The following MGAT4C variants were observed in gnomAD, a reference collection of about 807,000 sequenced individuals.
MGAT4C encodes the protein alpha-1,3-mannosyl-glycoprotein 4-beta-N-acetylglucosaminyltransferase C.
Under a neutral mutation model 40.1 loss-of-function variants are expected in MGAT4C, and 19 were observed. The ratio of observed to expected loss-of-function variants is 0.47; its 90% CI spans 0.33 to 0.70. The LOEUF (loss-of-function observed/expected upper bound fraction) is 0.70, where lower values mean the gene tolerates loss of function less well. MGAT4C is among the 30% of genes least tolerant of loss of function. The pLI, the probability that MGAT4C is intolerant of heterozygous loss-of-function variation, is 0.02. For synonymous variants in MGAT4C, 181 were observed against 187.1 expected (o/e 0.97, Z 0.27); for missense variants, 491 against 563.2 (o/e 0.87, Z 1.30).
chr12:86,699,888 C>T (rs1950324482), intron 2 of MGAT4C, among the ~76,000 whole-genome samples: 1 of 151,800 alleles, frequency 6.6e-6, no homozygotes, highest in African/African-American at 2.4e-5. Context: ...TGCTGTGTCA[C>T]AGGTGGCAGA....
Position 85,979,215 on chromosome 12 carries a change from C to A in MGAT4C, c.*74G>T. The A allele has an allele frequency of 1.6e-6, 2 of 1,251,458 alleles. No individual in the cohort carries two copies. Among genetic ancestry groups the A allele is most frequent in the Non-Finnish European group, 2.2e-6 (2 of 901,454 alleles). 77.5% of individuals were successfully genotyped at this position (1,251,458 alleles called of 1,614,324 possible). A position where few individuals can be genotyped will look rare whatever the true frequency, so the allele number is the denominator to read the frequency against. On this transcript the variant is annotated 3_prime_UTR_variant, in exon 5 of 5. Transcript: ENST00000611864. Reference sequence around the variant, plus strand: ...TAACATATCCCATCCATTGCTTTCCCTCCAAAAGACAAAGGTAGCAAAAGA... The same window carrying A: ...TAACATATCCCATCCATTGCTTTCCATCCAAAAGACAAAGGTAGCAAAAGA...
At chr12:86,827,624 G>T (rs1338000380) in intron 1 of MGAT4C, among the ~76,000 whole-genome samples, 1 of 151,174 alleles carries the variant, frequency 6.6e-6, no homozygotes, top group African/African-American at 2.4e-5. Context: ...TTCAACGAAA[G>T]AAAAATGCCT....
At chr12:86,808,172 G>C (rs148619354) in intron 1 of MGAT4C, among the ~76,000 whole-genome samples, 3 of 152,170 alleles carry the variant, frequency 2.0e-5, no homozygotes, top group Admixed American at 2.0e-4. Flanking sequence ...GAACCAGATG[G>C]ATTTACAGCT....
chr12:86,217,637 G>T (rs1431594656), intron 1 of MGAT4C, among the ~76,000 whole-genome samples: 1 of 152,260 alleles, frequency 6.6e-6, no homozygotes, highest in Non-Finnish European at 1.5e-5. Context: ...CACTGGAAAT[G>T]AAGGTTACTA....
chr12:86,611,964 T>G (rs1014283432), intron 2 of MGAT4C, among the ~76,000 whole-genome samples: 31 of 152,192 alleles, frequency 2.0e-4, no homozygotes, highest in Non-Finnish European at 1.0e-4. Flanking sequence ...TGAATTTATG[T>G]GGAAACATCA....
chr12:86,478,897 T>A (rs1002081491), intron 2 of MGAT4C, among the ~76,000 whole-genome samples: 1 of 152,086 alleles, frequency 6.6e-6, no homozygotes, highest in South Asian at 2.1e-4. Flanking sequence ...TTATTTAATA[T>A]CTATTTTTAA....
At chr12:86,827,900 G>T (rs1026361313) in intron 1 of MGAT4C, among the ~76,000 whole-genome samples, 2 of 151,194 alleles carry the variant, frequency 1.3e-5, no homozygotes, top group South Asian at 4.2e-4. Flanking sequence ...ATGCTTTCTG[G>T]GAAATCAGTA....
At chr12:86,195,409 A>AT (rs773948762) in intron 1 of MGAT4C, among the ~76,000 whole-genome samples, 7 of 152,258 alleles carry the variant, frequency 4.6e-5, no homozygotes, top group Middle Eastern at 3.4e-3. Flanking sequence ...TAAACAAGGT[A>AT]TTTTTTAAAG....
rs150112539 is a variant in MGAT4C, at chr12:86,580,675, T to C, written c.-228-145410A>G. On this transcript the variant is annotated intron_variant, in intron 2 of 7. Transcript: ENST00000548651. ...CACTTTCTTCAAACCTTGCATCTTT[T>C]AATGTAAAATGTTAATAATTTCTTC... is the stretch of plus-strand genomic sequence containing the variant. Among the ~76,000 whole-genome samples, 17 of 151,590 alleles carry C rather than the reference T, an allele frequency of 1.1e-4. No homozygotes were observed. The East Asian group carries it at 3.3e-3, about 29-fold the overall frequency.
intron 1 of MGAT4C, among the ~76,000 whole-genome samples, chr12:86,058,205 TAATA>T: frequency 6.6e-6 from 1 of 152,246 alleles, no homozygotes; most frequent in South Asian, 2.1e-4. Flanking sequence ...ATAAATGCTA[TAATA>T]AATCTGCTAG....
At chr12:86,466,212 A>AAAAAAAC (rs1555192778) in intron 2 of MGAT4C, among the ~76,000 whole-genome samples, 1 of 151,452 alleles carries the variant, frequency 6.6e-6, no homozygotes, top group African/African-American at 2.4e-5. Context: ...CTCCGTCAAA[A>AAAAAAAC]AAAAACAAAA....
intron 3 of MGAT4C, among the ~76,000 whole-genome samples, chr12:86,339,572 A>G (rs1487371415): frequency 2.6e-5 from 4 of 152,218 alleles, no homozygotes; most frequent in African/African-American, 7.2e-5. Flanking sequence ...TATTAAACAT[A>G]TATAAAAATA....
intron 1 of MGAT4C, among the ~76,000 whole-genome samples, chr12:86,173,495 T>C (rs1393427702): frequency 2.0e-5 from 3 of 152,178 alleles, no homozygotes; most frequent in Non-Finnish European, 4.4e-5. Flanking sequence ...AAAAATGATA[T>C]GCAACAGATC....
At chr12:86,132,359 ATTCTCT>A (rs1241128648) in intron 1 of MGAT4C, among the ~76,000 whole-genome samples, 1 of 146,332 alleles carries the variant, frequency 6.8e-6, no homozygotes, top group Non-Finnish European at 1.5e-5. Context: ...TGTTTAGACG[ATTCTCT>A]TTTTTTTTGC....
At chr12:86,703,382 GA>G (rs200724340) in intron 2 of MGAT4C, among the ~76,000 whole-genome samples, 4,670 of 152,184 alleles carry the variant, frequency 0.031, 95 homozygotes, top group Middle Eastern at 0.044. Flanking sequence ...GTAAAAGGAA[GA>G]GTAAATAGAT....
At chr12:86,120,853 C>T (rs1566012498) in intron 1 of MGAT4C, among the ~76,000 whole-genome samples, 1 of 152,216 alleles carries the variant, frequency 6.6e-6, no homozygotes, top group Non-Finnish European at 1.5e-5. Context: ...CAAAGGAACG[C>T]AGCTCCTTGC....
chr12:85,979,215 C>T lies in MGAT4C; in HGVS notation c.*74G>A, dbSNP rs1884245549. 8.0e-7 allele frequency: 1 copy of T among 1,251,456 alleles called. No individual in the cohort carries two copies. Among genetic ancestry groups the T allele is most frequent in the Non-Finnish European group, 1.1e-6 (1 of 901,454 alleles). The allele number at this position is 1,251,456 out of a possible 1,614,324, so 77.5% of individuals were successfully genotyped here. Reference sequence around the variant, plus strand: ...TAACATATCCCATCCATTGCTTTCCCTCCAAAAGACAAAGGTAGCAAAAGA... The same window carrying T: ...TAACATATCCCATCCATTGCTTTCCTTCCAAAAGACAAAGGTAGCAAAAGA... On this transcript the variant is annotated 3_prime_UTR_variant, in exon 5 of 5. Transcript: ENST00000611864.
In MGAT4C at chr12:85,960,468, A is replaced by G. The variant is rs1565789423; in HGVS notation, c.*18821T>C. ...GGTCTGAATCACATGAGAGACATAG[A>G]TGAAAAATGTAAAACAACAATTAGC... On this transcript the variant is annotated 3_prime_UTR_variant, in exon 5 of 5. Transcript: ENST00000611864. 1 of 152,060 alleles carries G rather than the reference A, an allele frequency of 6.6e-6. No homozygotes were observed. Among genetic ancestry groups the G allele is most frequent in the Admixed American group, 6.6e-5 (1 of 15,252 alleles). The allele number at this position is 152,060 out of a possible 1,614,324, so 9.4% of individuals were successfully genotyped here.
At chr12:86,009,597 A>G (rs1888254753) in intron 2 of MGAT4C, among the ~76,000 whole-genome samples, 1 of 152,070 alleles carries the variant, frequency 6.6e-6, no homozygotes, top group Non-Finnish European at 1.5e-5. Flanking sequence ...CCATCCCCCC[A>G]ATCAGGAATC....
Sources: gnomAD v4.1 joint callset for allele counts (sites outside exome capture counted in the v4.1 genomes callset) on GRCh38, gnomAD v4.1.1 for gene constraint, MANE v1.5 for transcripts, NCBI Gene and HGNC (gene_info 2026-07-23, HGNC 2026-07-21) for gene names.